NLGN1: variants seen among roughly 807,000 people sequenced by gnomAD.
NLGN1 encodes neuroligin-1.
Under a neutral mutation model 65.5 loss-of-function variants are expected in NLGN1, and 12 were observed. The ratio of observed to expected loss-of-function variants is 0.18; its 90% CI spans 0.12 to 0.30. The LOEUF (loss-of-function observed/expected upper bound fraction) is 0.30. Ranked by LOEUF, NLGN1 falls within the 10% of genes least tolerant of loss-of-function variation. NLGN1 has a pLI of 1.00. For synonymous variants in NLGN1, 350 were observed against 359.5 expected, an observed-to-expected ratio of 0.97 and a Z score of 0.30; for missense variants, 750 against 1,007.1, an observed-to-expected ratio of 0.74 and a Z score of 3.46.
At chr3:173,800,252 T>C (rs1186093341) in intron 3 of NLGN1, 1 of 716,128 alleles carries the variant, frequency 1.4e-6, no homozygotes, top group East Asian at 8.4e-5. Flanking sequence ...TCTTGAATTG[T>C]CTTTTTTTTT....
At chr3:173,706,095 A>G (rs1768004560) in intron 3 of NLGN1, among the ~76,000 whole-genome samples, 2 of 152,186 alleles carry the variant, frequency 1.3e-5, no homozygotes, top group East Asian at 1.9e-4. Context: ...CAATAAGTCA[A>G]TAGTGTTAGT....
At chr3:173,708,495 C>T in intron 3 of NLGN1, among the ~76,000 whole-genome samples, 1 of 152,158 alleles carries the variant, frequency 6.6e-6, no homozygotes. Flanking sequence ...ACTAGTAATG[C>T]ATTTGACTTT....
chr3:173,788,222 A>AG (rs1254622429), intron 3 of NLGN1, among the ~76,000 whole-genome samples: 4 of 150,502 alleles, frequency 2.7e-5, no homozygotes, highest in Non-Finnish European at 5.9e-5. Context: ...AAAAAAAAAA[A>AG]AAAAAGAAAA....
intron 4 of NLGN1, among the ~76,000 whole-genome samples, chr3:174,070,858 C>G (rs1185899960): frequency 6.6e-6 from 1 of 152,062 alleles, no homozygotes; most frequent in African/African-American, 2.4e-5. Context: ...ACTTCAAGAT[C>G]AGCCTGGGCA....
At chr3:173,806,764 G>A (rs906455368) in intron 3 of NLGN1, among the ~76,000 whole-genome samples, 4 of 151,964 alleles carry the variant, frequency 2.6e-5, no homozygotes, top group African/African-American at 9.7e-5. Flanking sequence ...GATCCTTGTT[G>A]AAAATTACAG....
rs1483564548 is a variant in NLGN1, at chr3:174,198,872, G to A, written c.647-76443G>A. Among the ~76,000 whole-genome samples the A allele has an allele frequency of 9.7e-5, 11 of 113,074 alleles. No individual in the cohort carries two copies. The East Asian group carries it at 1.9e-3, about 19-fold the overall frequency. 74.2% of individuals were successfully genotyped at this position (113,074 alleles called of 152,430 possible). On this transcript the variant is annotated intron_variant, in intron 4 of 6. Transcript: ENST00000457714. ...TTTTTTTTTTTTTTTTTTTTGAGAC[G>A]GAGTCTCGCTCTGTTTCCCAGGCTG...
At chr3:174,046,799 T>A (rs556438087) in intron 4 of NLGN1, among the ~76,000 whole-genome samples, 40 of 152,224 alleles carry the variant, frequency 2.6e-4, no homozygotes, top group African/African-American at 9.6e-4. Context: ...ATTCTATTAC[T>A]AAACAAGGAA....
In NLGN1 at chr3:173,451,718, C is replaced by T. The variant is rs183951773; in HGVS notation, c.-321+16640C>T. Among the ~76,000 whole-genome samples, 509 of 152,324 alleles carry T rather than the reference C, an allele frequency of 3.3e-3. 17 individuals are homozygous for T. The East Asian group carries it at 0.081, about 24-fold the overall frequency. On this transcript the variant is annotated intron_variant, in intron 2 of 6. Coordinates refer to ENST00000457714, the Ensembl canonical transcript of NLGN1. ...TGTGGTGAGCTCCACCCAGTTCGAG[C>T]TTCCTGGCCACTCTGTTTACCTACT... is the stretch of plus-strand genomic sequence containing the variant.
chr3:173,793,064 G>A (rs574034758), intron 3 of NLGN1, among the ~76,000 whole-genome samples: 1 of 152,090 alleles, frequency 6.6e-6, no homozygotes, highest in Non-Finnish European at 1.5e-5. Context: ...GGAGTTGAAT[G>A]TGTGCACATT....
intron 4 of NLGN1, among the ~76,000 whole-genome samples, chr3:174,070,992 C>G (rs545597817): frequency 6.6e-6 from 1 of 152,106 alleles, no homozygotes; most frequent in East Asian, 1.9e-4. Flanking sequence ...GAGGTCAAGG[C>G]TGCAATGAGT....
At chr3:174,210,867 ATACT>A (rs1486455863) in intron 4 of NLGN1, among the ~76,000 whole-genome samples, 2 of 152,210 alleles carry the variant, frequency 1.3e-5, no homozygotes, top group Non-Finnish European at 2.9e-5. Flanking sequence ...AGATACACAA[ATACT>A]TACCATTGTG....
At chr3:173,674,935 AT>A (rs1055292786) in intron 3 of NLGN1, among the ~76,000 whole-genome samples, 64 of 151,872 alleles carry the variant, frequency 4.2e-4, no homozygotes, top group African/African-American at 1.3e-3. Context: ...AAAAAATTAT[AT>A]TTTTTTCATG....
chr3:174,165,864 G>A (rs1727389535), intron 4 of NLGN1, among the ~76,000 whole-genome samples: 1 of 151,928 alleles, frequency 6.6e-6, no homozygotes, highest in Admixed American at 6.6e-5. Flanking sequence ...TTTTATTACT[G>A]ATTCTATTTC....
intron 4 of NLGN1, among the ~76,000 whole-genome samples, chr3:174,118,478 T>A (rs890626577): frequency 2.0e-5 from 3 of 152,176 alleles, no homozygotes; most frequent in Non-Finnish European, 2.9e-5. Context: ...GAGTACCTAA[T>A]GTAGTGATAA....
intron 4 of NLGN1, among the ~76,000 whole-genome samples, chr3:173,939,962 G>T (rs543081453): frequency 6.6e-6 from 1 of 150,936 alleles, no homozygotes; most frequent in East Asian, 2.0e-4. Flanking sequence ...AAATCACATT[G>T]TGTATAATCC....
intron 2 of NLGN1, among the ~76,000 whole-genome samples, chr3:173,472,111 CATT>C (rs958633182): frequency 1.3e-4 from 20 of 152,154 alleles, no homozygotes; most frequent in Admixed American, 1.1e-3. Context: ...AAGAAAAAGT[CATT>C]ATATGTAAAG....
At chr3:173,686,573 T>G (rs1380990987) in intron 3 of NLGN1, among the ~76,000 whole-genome samples, 1 of 152,136 alleles carries the variant, frequency 6.6e-6, no homozygotes, top group Non-Finnish European at 1.5e-5. Context: ...GTTTCCCAGC[T>G]TCTAATCATA....
At chr3:173,582,499 C>T (rs1746551071) in intron 2 of NLGN1, among the ~76,000 whole-genome samples, 1 of 152,130 alleles carries the variant, frequency 6.6e-6, no homozygotes, top group Non-Finnish European at 1.5e-5. Flanking sequence ...AATTTCATGA[C>T]TGGGAAACAA....
At chr3:173,919,178 T>C (rs1000267666) in intron 4 of NLGN1, among the ~76,000 whole-genome samples, 6 of 151,608 alleles carry the variant, frequency 4.0e-5, no homozygotes. Flanking sequence ...ATCTGACAAA[T>C]GTATTTGTAA....
Sources: gnomAD v4.1 joint callset for allele counts (sites outside exome capture counted in the v4.1 genomes callset) on GRCh38, gnomAD v4.1.1 for gene constraint, MANE v1.5 for transcripts, NCBI Gene and HGNC (gene_info 2026-07-23, HGNC 2026-07-21) for gene names.